The following CTNNA2 variants were observed in gnomAD, a reference collection of about 807,000 sequenced individuals.
CTNNA2 encodes catenin alpha 2.
Under a neutral mutation model 101.0 loss-of-function variants are expected in CTNNA2, and 42 were observed. The observed-to-expected ratio is 0.42, with a 90% CI of 0.32 to 0.54. CTNNA2 has a LOEUF of 0.54. CTNNA2 is among the 20% of genes least tolerant of loss of function. The pLI, the probability that CTNNA2 is intolerant of heterozygous loss-of-function variation, is 0.14. For missense variants in CTNNA2, 871 were observed against 1,223.1 expected (o/e 0.71, Z 4.29); for synonymous variants, 450 against 456.4 (o/e 0.99, Z 0.18).
intron 7 of CTNNA2, among the ~76,000 whole-genome samples, chr2:80,009,584 C>G (rs1022222126): frequency 2.0e-5 from 3 of 152,114 alleles, no homozygotes; most frequent in African/African-American, 7.2e-5. Flanking sequence ...CACATATACG[C>G]TTTTTAAATA....
At chr2:80,137,431 T>G (rs1268833569) in intron 7 of CTNNA2, among the ~76,000 whole-genome samples, 1 of 152,072 alleles carries the variant, frequency 6.6e-6, no homozygotes, top group East Asian at 1.9e-4. Flanking sequence ...ATGGGAACAT[T>G]TTGATAGGAG....
At chr2:80,282,162 T>C (rs1389736074) in intron 7 of CTNNA2, among the ~76,000 whole-genome samples, 1 of 152,112 alleles carries the variant, frequency 6.6e-6, no homozygotes, top group Non-Finnish European at 1.5e-5. Context: ...CAGTAGAGTC[T>C]TAAGAAAGGC....
intron 7 of CTNNA2, among the ~76,000 whole-genome samples, chr2:79,912,438 A>G (rs17339646): frequency 6.6e-6 from 1 of 152,178 alleles, no homozygotes; most frequent in African/African-American, 2.4e-5. Flanking sequence ...ATTTCCACAA[A>G]TGTGTATTCT....
At chr2:79,716,820 G>C (rs541207531) in intron 2 of CTNNA2, among the ~76,000 whole-genome samples, 1 of 151,934 alleles carries the variant, frequency 6.6e-6, no homozygotes, top group Non-Finnish European at 1.5e-5. Flanking sequence ...TGACTGCAGG[G>C]AAAAAAATAA....
At chr2:79,809,794 T>C (rs572358957) in intron 3 of CTNNA2, among the ~76,000 whole-genome samples, 85 of 152,322 alleles carry the variant, frequency 5.6e-4, no homozygotes, top group African/African-American at 2.0e-3. Context: ...TTTAATTAGA[T>C]CCCGTTTGTC....
At chr2:80,537,077 A>C (rs1037645893) in intron 9 of CTNNA2, among the ~76,000 whole-genome samples, 4 of 151,654 alleles carry the variant, frequency 2.6e-5, no homozygotes, top group Non-Finnish European at 5.9e-5. Context: ...CTCCCCTTGC[A>C]TCCCACCCCC....
intron 7 of CTNNA2, among the ~76,000 whole-genome samples, chr2:80,079,177 C>G (rs1698956889): frequency 6.6e-6 from 1 of 152,178 alleles, no homozygotes; most frequent in Admixed American, 6.5e-5. Flanking sequence ...GATTATTGTT[C>G]TCCTGTGCAA....
At chr2:80,032,656 T>C (rs1444091847) in intron 7 of CTNNA2, among the ~76,000 whole-genome samples, 1 of 152,324 alleles carries the variant, frequency 6.6e-6, no homozygotes, top group African/African-American at 2.4e-5. Context: ...AGTATATGAT[T>C]AATATGCAAA....
intron 17 of CTNNA2, among the ~76,000 whole-genome samples, chr2:80,618,473 A>G (rs1013173255): frequency 6.6e-6 from 1 of 151,918 alleles, no homozygotes; most frequent in Admixed American, 6.6e-5. Flanking sequence ...CTTATCCTTT[A>G]AATTATGCCC....
chr2:79,495,092 A>C (rs532201509), intron 4 of CTNNA2, among the ~76,000 whole-genome samples: 2 of 152,066 alleles, frequency 1.3e-5, no homozygotes, highest in Middle Eastern at 3.2e-3. Context: ...GACAGAGCAA[A>C]ACTCCGTCTC....
chr2:80,282,156 A>G (rs769771229), intron 7 of CTNNA2, among the ~76,000 whole-genome samples: 16 of 152,172 alleles, frequency 1.1e-4, no homozygotes, highest in Non-Finnish European at 1.8e-4. Flanking sequence ...CTGCCACAGT[A>G]GAGTCTTAAG....
At chr2:79,331,798 A>G (rs1324862378) in intron 3 of CTNNA2, among the ~76,000 whole-genome samples, 1 of 152,202 alleles carries the variant, frequency 6.6e-6, no homozygotes, top group Non-Finnish European at 1.5e-5. Flanking sequence ...CTAATTATCA[A>G]AAGGATTCAG....
At chr2:79,487,985 A>G (rs964459720) in intron 4 of CTNNA2, among the ~76,000 whole-genome samples, 1 of 152,162 alleles carries the variant, frequency 6.6e-6, no homozygotes, top group Non-Finnish European at 1.5e-5. Flanking sequence ...TTTGGGGATC[A>G]GTAACATACT....
chr2:80,026,842 C>G (rs1223943780), intron 7 of CTNNA2, among the ~76,000 whole-genome samples: 1 of 151,924 alleles, frequency 6.6e-6, no homozygotes, highest in African/African-American at 2.4e-5. Flanking sequence ...ATATATAATC[C>G]CTTAAATTTA....
intron 1 of CTNNA2, among the ~76,000 whole-genome samples, chr2:79,551,677 A>G (rs1674108387): frequency 6.6e-6 from 1 of 152,208 alleles, no homozygotes; most frequent in African/African-American, 2.4e-5. Flanking sequence ...ATTGACTCAC[A>G]GTTCCACAAG....
chr2:79,584,032 A>C lies in CTNNA2; in HGVS notation c.-5-67520A>C, dbSNP rs376508849. The stretch of plus-strand genomic sequence containing the variant: ...CTTTGTAGGCTATTTATTTCACATT[A>C]CATCACTTAGGAGACATGAATGTCT... On this transcript the variant is annotated intron_variant, in intron 1 of 18. Coordinates refer to ENST00000402739, the MANE Select transcript of CTNNA2 (RefSeq NM_001282597.3). Among the ~76,000 whole-genome samples the C allele has an allele frequency of 6.6e-5, 10 of 152,262 alleles. No individual in the cohort carries two copies. In the East Asian group the frequency reaches 9.7e-4, roughly 15 times the overall value.
intron 4 of CTNNA2, among the ~76,000 whole-genome samples, chr2:79,482,589 A>C (rs1671120777): frequency 6.6e-6 from 1 of 152,156 alleles, no homozygotes; most frequent in African/African-American, 2.4e-5. Context: ...TACACCCAAA[A>C]ATGAGAGCAT....
intron 3 of CTNNA2, among the ~76,000 whole-genome samples, chr2:79,344,912 T>A (rs1254703322): frequency 1.4e-5 from 2 of 147,702 alleles, no homozygotes; most frequent in Non-Finnish European, 3.0e-5. Flanking sequence ...TACATTTTTG[T>A]GAGAATTAAG....
rs1440019727 is a variant in CTNNA2 at position 80,302,381 on chromosome 2, A to G, written c.1057-90830A>G. The stretch of plus-strand genomic sequence containing the variant: ...GTATTCCTGGGCAGACATGGCAGCC[A>G]TCTGATGCATGGTCTGTTTCTGCTT... On this transcript the variant is annotated intron_variant, in intron 7 of 18. Coordinates refer to ENST00000402739, the MANE Select transcript of CTNNA2 (RefSeq NM_001282597.3). This position sits in a 1 kb window ranked among gnomAD's most constrained non-coding sequence, Gnocchi z 6.4. The G allele has an allele frequency of 2.5e-6, 4 of 1,614,242 alleles. No individual in the cohort carries two copies. Among genetic ancestry groups the G allele is most frequent in the African/African-American group, 1.3e-5 (1 of 75,070 alleles).
Sources: allele counts gnomAD v4.1 joint callset (sites outside exome capture counted in the v4.1 genomes callset), GRCh38; gene constraint gnomAD v4.1.1; non-coding constraint Gnocchi (gnomAD v3.1); transcripts MANE v1.5; gene names NCBI Gene and HGNC (gene_info 2026-07-23, HGNC 2026-07-21).